Variants in FSHR observed in about 807,000 individuals in gnomAD.
FSHR encodes follicle-stimulating hormone receptor.
A neutral mutation model predicts 52.1 loss-of-function variants in FSHR; 46 were observed. The observed-to-expected ratio is 0.88, with a 90% CI of 0.70 to 1.13. The LOEUF (loss-of-function observed/expected upper bound fraction) is 1.13. FSHR is among the 50% of genes most tolerant of loss of function. The pLI, the probability that FSHR is intolerant of heterozygous loss-of-function variation, is 0.00. For synonymous variants in FSHR, 399 were observed against 309.6 expected (o/e 1.29, Z -3.03); for missense variants, 964 against 834.6 (o/e 1.16, Z -1.91).
intron 1 of FSHR, among the ~76,000 whole-genome samples, chr2:49,089,759 A>C (rs903292212): frequency 1.3e-5 from 2 of 152,180 alleles, no homozygotes; most frequent in Non-Finnish European, 2.9e-5. Context: ...GTAGCTATTG[A>C]TCTAAAAAAT....
chr2:49,149,771 G>A (rs1420938994), intron 1 of FSHR, among the ~76,000 whole-genome samples: 4 of 151,862 alleles, frequency 2.6e-5, no homozygotes, highest in Non-Finnish European at 5.9e-5. Context: ...AGGAATGTAA[G>A]CCAAAGAAAG....
chr2:48,974,854 T>TAC (rs1287869167), intron 8 of FSHR, among the ~76,000 whole-genome samples: 1 of 152,162 alleles, frequency 6.6e-6, no homozygotes, highest in African/African-American at 2.4e-5. Flanking sequence ...TCCTAAAACA[T>TAC]ACACACACAC....
chr2:49,078,218 C>A (rs138415723), intron 1 of FSHR, among the ~76,000 whole-genome samples: 3,399 of 152,246 alleles, frequency 0.022, 117 homozygotes, highest in African/African-American at 0.079. Flanking sequence ...CAAGGAGGAG[C>A]AAGTCACATC....
Position 48,962,513 on chromosome 2 carries a change from T to G in FSHR, c.*220A>C, listed in dbSNP as rs1674269003. 2 of 567,186 alleles carry G rather than the reference T, an allele frequency of 3.5e-6. No individual in the cohort carries two copies. The highest frequency in any genetic ancestry group is 3.1e-6 in the Non-Finnish European group (1 of 319,632). The allele number at this position is 567,186 out of a possible 1,614,324, so 35.1% of individuals were successfully genotyped here. ...ACATATATAAGGATAAAATATGTAA[T>G]ACAGTATTGCATTCTTTAATTATTA... is the stretch of plus-strand genomic sequence containing the variant. On this transcript the variant is annotated 3_prime_UTR_variant, in exon 10 of 10. Transcript: ENST00000406846.
chr2:48,982,839 C>G, intron 8 of FSHR, 73 bp downstream of exon 8: 1 of 1,302,482 alleles, frequency 7.7e-7, no homozygotes, highest in Non-Finnish European at 1.1e-6. Flanking sequence ...AGCTTCTCCC[C>G]TAGCTGCAGA....
At chr2:48,993,712 A>G (rs750050423) in intron 4 of FSHR, among the ~76,000 whole-genome samples, 9 of 152,078 alleles carry the variant, frequency 5.9e-5, no homozygotes, top group Non-Finnish European at 1.0e-4. Context: ...ATCTTATGCT[A>G]TTTCCCCAGT....
At chr2:49,072,218 C>G (rs193120446) in intron 1 of FSHR, among the ~76,000 whole-genome samples, 1 of 151,716 alleles carries the variant, frequency 6.6e-6, no homozygotes, top group East Asian at 2.0e-4. Flanking sequence ...AAACCAAAAG[C>G]AAAGCAAACC....
chr2:48,987,093 C>G (rs1389114791), intron 6 of FSHR, among the ~76,000 whole-genome samples: 1 of 152,164 alleles, frequency 6.6e-6, no homozygotes, highest in East Asian at 1.9e-4. Context: ...GTGAAGTAAC[C>G]CAGGAATCCT....
intron 1 of FSHR, among the ~76,000 whole-genome samples, chr2:49,095,146 A>T (rs1206380066): frequency 6.6e-6 from 1 of 152,188 alleles, no homozygotes; most frequent in Non-Finnish European, 1.5e-5. Context: ...AAATTTACAA[A>T]AATATGCAAG....
chr2:49,007,434 G>C, intron 4 of FSHR, among the ~76,000 whole-genome samples: 1 of 152,130 alleles, frequency 6.6e-6, no homozygotes, highest in East Asian at 1.9e-4. Flanking sequence ...CCAGCTGTTT[G>C]TGTAAAAAAC....
chr2:49,149,913 G>C (rs1004125199), intron 1 of FSHR, among the ~76,000 whole-genome samples: 1 of 152,020 alleles, frequency 6.6e-6, no homozygotes, highest in East Asian at 1.9e-4. Context: ...TCCCAGGACA[G>C]GTTTCCTTAA....
At chr2:49,120,683 T>C (rs1055506457) in intron 1 of FSHR, among the ~76,000 whole-genome samples, 1 of 147,288 alleles carries the variant, frequency 6.8e-6, no homozygotes, top group Non-Finnish European at 1.5e-5. Flanking sequence ...CTCATTATCA[T>C]ACCAATTATA....
At chr2:49,141,061 C>G (rs889275110) in intron 1 of FSHR, among the ~76,000 whole-genome samples, 2 of 152,204 alleles carry the variant, frequency 1.3e-5, no homozygotes, top group African/African-American at 4.8e-5. Context: ...ACCACCCACT[C>G]TATAGATAGG....
intron 1 of FSHR, among the ~76,000 whole-genome samples, chr2:49,102,387 G>A (rs1572746997): frequency 6.6e-6 from 1 of 152,260 alleles, no homozygotes; most frequent in South Asian, 2.1e-4. Context: ...TCTATAAAAG[G>A]GAGGAAGGCC....
chr2:48,979,383 G>C (rs889227796), intron 8 of FSHR, among the ~76,000 whole-genome samples: 3 of 152,022 alleles, frequency 2.0e-5, no homozygotes, highest in African/African-American at 7.2e-5. Flanking sequence ...TAACGCTGCT[G>C]TCAGCTATGA....
At chr2:48,966,342 T>C (rs1674476551) in intron 9 of FSHR, among the ~76,000 whole-genome samples, 1 of 152,028 alleles carries the variant, frequency 6.6e-6, no homozygotes, top group South Asian at 2.1e-4. Context: ...CATTGAGTTG[T>C]GAAGAAACAC....
chr2:49,062,153 A>G (rs1029078273), intron 2 of FSHR, among the ~76,000 whole-genome samples: 1 of 152,176 alleles, frequency 6.6e-6, no homozygotes, highest in Non-Finnish European at 1.5e-5. Flanking sequence ...TGAAGGCATC[A>G]CAGTACAGGA....
chr2:49,106,978 G>A (rs1671245654), intron 1 of FSHR, among the ~76,000 whole-genome samples: 1 of 152,128 alleles, frequency 6.6e-6, no homozygotes. Context: ...GAAAAAATAA[G>A]TTGGAAAGCA....
At chr2:49,098,852 C>T (rs551038647) in intron 1 of FSHR, among the ~76,000 whole-genome samples, 1 of 143,614 alleles carries the variant, frequency 7.0e-6, no homozygotes, top group African/African-American at 2.6e-5. Context: ...ATTATATATA[C>T]TTTATATATA....
Sources: gnomAD v4.1 joint callset for allele counts (sites outside exome capture counted in the v4.1 genomes callset) on GRCh38, gnomAD v4.1.1 for gene constraint, MANE v1.5 for transcripts, NCBI Gene and HGNC (gene_info 2026-07-23, HGNC 2026-07-21) for gene names.